The following SMU1 variants were observed in gnomAD, a reference collection of about 807,000 sequenced individuals.
SMU1 encodes SMU1 DNA replication regulator and spliceosomal factor, also known as WD40 repeat-containing protein SMU1.
In SMU1, 2 loss-of-function variants were observed where a neutral mutation model predicts 62.0. The observed-to-expected ratio is 0.03, with a 90% CI of 0.01 to 0.10. SMU1 has a LOEUF of 0.10. Ranked by LOEUF, SMU1 falls within the 10% of genes least tolerant of loss-of-function variation. The pLI is 1.00. For missense variants in SMU1, 227 were observed against 622.1 expected (o/e 0.36, Z 6.76); for synonymous variants, 188 against 212.4 (o/e 0.89, Z 1.00).
At chr9:33,053,375 TA>T in intron 9 of SMU1, 85 bp from the exon 10 acceptor site, 2 of 1,312,122 alleles carry the variant, frequency 1.5e-6, no homozygotes, top group East Asian at 2.5e-5. Context: ...AACAGTTTAC[TA>T]AAAAAGAATA....
At chr9:33,049,779 C>CACACACACACACACAA (rs1587705833) in intron 10 of SMU1, among the ~76,000 whole-genome samples, 1 of 151,784 alleles carries the variant, frequency 6.6e-6, no homozygotes, top group African/African-American at 2.4e-5. Context: ...CACACACACA[C>CACACACACACACACAA]ACACACACAA....
At chr9:33,073,279 T>C (rs1839507969) in intron 2 of SMU1, among the ~76,000 whole-genome samples, 1 of 151,944 alleles carries the variant, frequency 6.6e-6, no homozygotes, top group African/African-American at 2.4e-5. Flanking sequence ...GTGCCTGTGT[T>C]CCTAGCTACT....
intron 9 of SMU1, among the ~76,000 whole-genome samples, chr9:33,053,999 AGG>A (rs1424581193): frequency 6.7e-6 from 1 of 148,922 alleles, no homozygotes; most frequent in African/African-American, 2.6e-5. Flanking sequence ...AAAACCAAAC[AGG>A]GGGTCGGCCA....
At chr9:33,054,263 C>T (rs1197651330) in intron 9 of SMU1, among the ~76,000 whole-genome samples, 1 of 151,734 alleles carries the variant, frequency 6.6e-6, no homozygotes, top group African/African-American at 2.4e-5. Flanking sequence ...AAGCGATCCT[C>T]TCACTTCAGC....
intron 4 of SMU1, among the ~76,000 whole-genome samples, chr9:33,066,590 G>C (rs576847998): frequency 6.7e-6 from 1 of 150,236 alleles, no homozygotes; most frequent in Non-Finnish European, 1.5e-5. Context: ...GGCAGATCAC[G>C]AGGTCAAGAG....
In SMU1 at chr9:33,055,969, T is replaced by A. The variant is rs903689043; in HGVS notation, c.1122+144A>T. 4.1e-6 allele frequency: 3 copies of A among 731,042 alleles called. No individual in the cohort carries two copies. In the African/African-American group the frequency reaches 5.5e-5, roughly 13 times the overall value. 45.3% of individuals were successfully genotyped at this position (731,042 alleles called of 1,614,324 possible). ...AATTACCCACAGAATACTGTTGTTG[T>A]CTCAGACTCACCTCAATTACAGCTA... On this transcript the variant is annotated intron_variant, in intron 9 of 11. Transcript: ENST00000397149.
At chr9:33,056,026 A>T in intron 9 of SMU1, 87 bp downstream of exon 9, 1 of 1,359,702 alleles carries the variant, frequency 7.4e-7, no homozygotes, top group African/African-American at 1.5e-5. Flanking sequence ...ACTACAGCAC[A>T]ATCATTCCCA....
chr9:33,049,770 A>G (rs1160832026), intron 10 of SMU1, among the ~76,000 whole-genome samples: 1 of 151,524 alleles, frequency 6.6e-6, no homozygotes, highest in Non-Finnish European at 1.5e-5. Context: ...ATTTCCACAC[A>G]CACACACACA....
intron 1 of SMU1, among the ~76,000 whole-genome samples, chr9:33,074,092 C>T (rs1001164576): frequency 1.6e-4 from 24 of 152,298 alleles, no homozygotes; most frequent in African/African-American, 5.8e-4. Flanking sequence ...GCCTAGTTTC[C>T]TATTCATTCT....
rs549051131 is a variant in SMU1 at position 33,067,958 on chromosome 9, G to C, written c.501+866C>G. On this transcript the variant is annotated intron_variant, in intron 4 of 11. Transcript: ENST00000397149. ...TATAATATATCTATTACTCTAAGTA[G>C]CTTTATAATAATGACCATGCTGGCA... is the stretch of plus-strand genomic sequence containing the variant. Among the ~76,000 whole-genome samples, 4 of 152,228 alleles carry C rather than the reference G, an allele frequency of 2.6e-5. No individual in the cohort carries two copies. The South Asian group carries it at 8.3e-4, about 32-fold the overall frequency.
In SMU1 at chr9:33,043,662, T is replaced by G. The variant is rs1442690951; in HGVS notation, c.*3631A>C. 2.0e-5 allele frequency: 3 copies of G among 152,156 alleles called. No homozygotes were observed. The highest frequency in any genetic ancestry group is 6.6e-5 in the Admixed American group (1 of 15,264). The allele number at this position is 152,156 out of a possible 1,614,324, so 9.4% of individuals were successfully genotyped here. ...GGAGGAACAATCCATGTATTCTTTG[T>G]CCCTGCCCAAACCTAAAGATTGAGG... is the stretch of plus-strand genomic sequence containing the variant. On this transcript the variant is annotated 3_prime_UTR_variant, in exon 12 of 12. Transcript: ENST00000397149.
intron 10 of SMU1, among the ~76,000 whole-genome samples, chr9:33,050,982 G>A (rs538858622): frequency 2.6e-5 from 3 of 113,348 alleles, no homozygotes; most frequent in South Asian, 2.5e-4. Flanking sequence ...TTAGCCGGGC[G>A]TGGTGGCGGG....
intron 3 of SMU1, among the ~76,000 whole-genome samples, chr9:33,069,664 T>C (rs552018453): frequency 1.1e-4 from 16 of 151,850 alleles, no homozygotes; most frequent in African/African-American, 3.6e-4. Flanking sequence ...AGCCAGGCCA[T>C]AGTGGTGGGT....
At chr9:33,055,574 A>G (rs569596236) in intron 9 of SMU1, among the ~76,000 whole-genome samples, 9 of 152,314 alleles carry the variant, frequency 5.9e-5, no homozygotes, top group Middle Eastern at 3.4e-3. Flanking sequence ...CTAAATCTTT[A>G]AAGGTACTGA....
intron 4 of SMU1, 29 bp downstream of exon 4, chr9:33,068,795 A>G: frequency 6.2e-7 from 1 of 1,608,506 alleles, no homozygotes; most frequent in Non-Finnish European, 8.5e-7. Flanking sequence ...GTGAGCCACC[A>G]CACCTGGCCT....
At chr9:33,050,203 TTGAA>T (rs1839227422) in intron 10 of SMU1, among the ~76,000 whole-genome samples, 1 of 152,112 alleles carries the variant, frequency 6.6e-6, no homozygotes, top group Non-Finnish European at 1.5e-5. Context: ...CACCTATTAT[TTGAA>T]TGGCCAACAT....
rs1032082613 is a variant in SMU1 at position 33,050,882 on chromosome 9, G to C, written c.1290+2241C>G. On this transcript the variant is annotated intron_variant, in intron 10 of 11. Coordinates refer to ENST00000397149, the MANE Select transcript of SMU1 (RefSeq NM_018225.3). The stretch of plus-strand genomic sequence containing the variant: ...CACGCCTGTAATCCCAGCACTTTGG[G>C]AGGCCGAGGCGGGCGGATCACGAGG... Among the ~76,000 whole-genome samples the C allele has an allele frequency of 7.2e-5, 5 of 69,630 alleles. 1 individual carries two copies. Among genetic ancestry groups the C allele is most frequent in the Non-Finnish European group, 1.5e-4 (4 of 27,564 alleles). 45.7% of individuals were successfully genotyped at this position (69,630 alleles called of 152,430 possible).
Position 33,057,657 on chromosome 9 carries a change from T to C in SMU1, c.808A>G (p.Met270Val). ...ATTTCTGTATCTCTGCTGAAACACA[T>C]GCAGAGGACAGCATCATCCATCATC... ...FMMMDDAVLC[M>V]CFSRDTEMLA... Residue 270 changes from methionine to valine, a missense_variant, in exon 7 of 12, where the codon ATG (methionine) becomes GTG (valine). Transcript: ENST00000397149. 2.5e-6 allele frequency: 4 copies of C among 1,613,870 alleles called. No individual in the cohort carries two copies. The highest frequency in any genetic ancestry group is 1.3e-5 in the African/African-American group (1 of 75,048).
chr9:33,076,016 C>A (rs991471515), intron 1 of SMU1, among the ~76,000 whole-genome samples: 1 of 152,148 alleles, frequency 6.6e-6, no homozygotes, highest in African/African-American at 2.4e-5. Context: ...GTTGTTCATT[C>A]ATTCCAAAAG....
Sources: allele counts gnomAD v4.1 joint callset (sites outside exome capture counted in the v4.1 genomes callset), GRCh38; gene constraint gnomAD v4.1.1; transcripts MANE v1.5; gene names NCBI Gene and HGNC (gene_info 2026-07-23, HGNC 2026-07-21).